The following MYCBP2 variants were observed in gnomAD, a reference collection of about 807,000 sequenced individuals.
MYCBP2 encodes E3 ubiquitin-protein ligase MYCBP2.
Under a neutral mutation model 525.3 loss-of-function variants are expected in MYCBP2, and 120 were observed. The ratio of observed to expected loss-of-function variants is 0.23; its 90% CI spans 0.20 to 0.27. The LOEUF (loss-of-function observed/expected upper bound fraction) is 0.27. Ranked by LOEUF, MYCBP2 falls within the 10% of genes least tolerant of loss-of-function variation. The pLI is 1.00. For missense variants in MYCBP2, 4,149 were observed against 5,657.1 expected, an observed-to-expected ratio of 0.73 and a Z score of 8.55; for synonymous variants, 1,894 against 1,955.8, an observed-to-expected ratio of 0.97 and a Z score of 0.83.
At chr13:77,200,503 C>G (rs932995911) in intron 26 of MYCBP2, among the ~76,000 whole-genome samples, 8 of 152,010 alleles carry the variant, frequency 5.3e-5, no homozygotes, top group Non-Finnish European at 1.0e-4. Flanking sequence ...CCCAATCTAG[C>G]AAGGCAGGCC....
rs780173314 is a variant in MYCBP2, at chr13:77,097,708, G to A, written c.9446C>T (p.Thr3149Ile). Reference protein sequence around the residue: ...ETTFEMSMHNTMKSKSPLPLT... With the variant: ...ETTFEMSMHNIMKSKSPLPLT... The stretch of plus-strand genomic sequence containing the variant: ...GGGAAGAGGAGACTTAGACTTCATT[G>A]TGTTATGCATGGACATTTCAAAAGT... Residue 3149 changes from threonine (T) to isoleucine (I), a missense_variant, in exon 56 of 83, where the codon ACA becomes ATA. Thr to Ile is a moderately conservative substitution (Grantham distance 89, BLOSUM62 -1). Coordinates refer to ENST00000544440, the MANE Select transcript of MYCBP2 (RefSeq NM_015057.5). 4 of 1,613,658 alleles carry A rather than the reference G, an allele frequency of 2.5e-6. No homozygotes were observed. Among genetic ancestry groups the A allele is most frequent in the East Asian group, 2.2e-5 (1 of 44,820 alleles).
At chr13:77,276,841 G>T (rs57007653) in intron 4 of MYCBP2, among the ~76,000 whole-genome samples, 3,821 of 44,758 alleles carry the variant, frequency 0.085, 265 homozygotes, top group African/African-American at 0.22. Flanking sequence ...TTTTTTTTTG[G>T]AGAGATAGGG....
At chr13:77,179,065 G>A (rs1413659001) in intron 34 of MYCBP2, among the ~76,000 whole-genome samples, 1 of 152,136 alleles carries the variant, frequency 6.6e-6, no homozygotes, top group African/African-American at 2.4e-5. Flanking sequence ...AAGTGTATGC[G>A]ATGAACCATA....
chr13:77,296,448 C>A (rs1258148538), intron 2 of MYCBP2, 151 bp downstream of exon 2: 4 of 794,032 alleles, frequency 5.0e-6, no homozygotes, highest in South Asian at 2.5e-5. Flanking sequence ...AAAGATGAAA[C>A]TAAAAGAGGA....
chr13:77,233,937 T>C (rs2067504698), intron 17 of MYCBP2, among the ~76,000 whole-genome samples: 1 of 151,804 alleles, frequency 6.6e-6, no homozygotes, highest in Non-Finnish European at 1.5e-5. Flanking sequence ...AGGGGGCACC[T>C]AACCCAAATA....
chr13:77,228,870 G>A (rs527932345), intron 18 of MYCBP2, among the ~76,000 whole-genome samples: 1 of 152,138 alleles, frequency 6.6e-6, no homozygotes, highest in South Asian at 2.1e-4. Context: ...GTATCTAAGG[G>A]ACTCTAACTT....
chr13:77,238,734 G>C (rs1015793779), intron 17 of MYCBP2, among the ~76,000 whole-genome samples: 1 of 152,080 alleles, frequency 6.6e-6, no homozygotes, highest in African/African-American at 2.4e-5. Context: ...TTGCTTTCTT[G>C]GGTTTCAATA....
Position 77,097,441 on chromosome 13 carries a change from T to C in MYCBP2, c.9713A>G (p.Asp3238Gly). The change falls in exon 56 of 83, where the codon GAT (aspartate) becomes GGT (glycine). Residue 3238 changes from aspartate (D) to glycine (G), a missense_variant. Coordinates refer to ENST00000544440, the MANE Select transcript of MYCBP2 (RefSeq NM_015057.5). ...AQLAVGGPEK[D>G]TICELCGESH... ...CTCCCCACACAGTTCACAGATGGTA[T>C]CTTTCTCTGGTCCTCCTACTGCCAG... 2 of 1,613,592 alleles carry C rather than the reference T, an allele frequency of 1.2e-6. No individual in the cohort carries two copies. The highest frequency in any genetic ancestry group is 1.7e-6 in the Non-Finnish European group (2 of 1,179,752).
rs147444569 is a variant in MYCBP2 at position 77,049,834 on chromosome 13, C to T, written c.13921+1163G>A. Among the ~76,000 whole-genome samples, 1,487 of 152,234 alleles carry T rather than the reference C, an allele frequency of 9.8e-3. 68 individuals carry two copies. In the East Asian group the frequency reaches 0.11, roughly 11 times the overall value. On this transcript the variant is annotated intron_variant, in intron 82 of 82. Coordinates refer to ENST00000544440, the MANE Select transcript of MYCBP2 (RefSeq NM_015057.5). ...TACATTTAGTAGAGATGGGGTTTCA[C>T]CATGTTGGCCAGGCTGGTCTCGTAC... is the stretch of plus-strand genomic sequence containing the variant.
chr13:77,106,333 G>T (rs1594590098), intron 55 of MYCBP2, among the ~76,000 whole-genome samples: 1 of 152,146 alleles, frequency 6.6e-6, no homozygotes, highest in African/African-American at 2.4e-5. Flanking sequence ...TCAATTTGTT[G>T]ATTTCTTACT....
intron 59 of MYCBP2, among the ~76,000 whole-genome samples, chr13:77,091,025 T>A (rs1377669152): frequency 6.6e-6 from 1 of 152,174 alleles, no homozygotes; most frequent in Admixed American, 6.5e-5. Context: ...GAGCTCCTTT[T>A]TCTGTCACCT....
chr13:77,253,029 A>G (rs1192146142), intron 14 of MYCBP2, among the ~76,000 whole-genome samples: 2 of 152,088 alleles, frequency 1.3e-5, no homozygotes, highest in Non-Finnish European at 2.9e-5. Context: ...ACATTCATCA[A>G]AAATTTATAA....
At chr13:77,223,279 C>T (rs1467854184) in intron 20 of MYCBP2, among the ~76,000 whole-genome samples, 1 of 152,158 alleles carries the variant, frequency 6.6e-6, no homozygotes, top group African/African-American at 2.4e-5. Flanking sequence ...CCAAAGGTAT[C>T]CTCAGCTTGG....
At chr13:77,062,791 G>T in intron 73 of MYCBP2, 94 bp from the exon 74 acceptor site, 2 of 973,180 alleles carry the variant, frequency 2.1e-6, no homozygotes, top group Non-Finnish European at 3.2e-6. Context: ...ATAAATGCTG[G>T]CTGATTTTGA....
Position 77,326,957 on chromosome 13 carries a change from G to GCGCCGCCCT in MYCBP2, c.-191_-183dup. On this transcript the variant is annotated 5_prime_UTR_variant, in exon 1 of 83. Transcript: ENST00000544440. The surrounding 1 kb of genome is among the most constrained non-coding windows in gnomAD (Gnocchi z 4.2). The stretch of plus-strand genomic sequence containing the variant: ...CCTCCTTCTTCTCCTCCTCCCCCCC[G>GCGCCGCCCT]CGCCGCCCTCGCCGCTACTGGGGCC... The GCGCCGCCCT allele has an allele frequency of 1.9e-6, 1 of 523,308 alleles. No homozygotes were observed. The highest frequency in any genetic ancestry group is 5.9e-5 in the South Asian group (1 of 16,940). 32.4% of individuals were successfully genotyped at this position (523,308 alleles called of 1,614,324 possible). A position where few individuals can be genotyped will look rare whatever the true frequency, so the allele number is the denominator to read the frequency against.
chr13:77,049,501 T>C (rs992995385), intron 82 of MYCBP2, among the ~76,000 whole-genome samples: 2 of 152,238 alleles, frequency 1.3e-5, no homozygotes, highest in Admixed American at 6.5e-5. Context: ...CATCTTTTTC[T>C]TGCTTTTCCC....
rs763379520 is a variant in MYCBP2, at chr13:77,150,818, T to A, written c.7047A>T (p.Gly2349=). ...AASSNTDMTY[G]GLASPKLDVS... The stretch of plus-strand genomic sequence containing the variant: ...CATCTAGCTTTGGTGATGCCAGCCC[T>A]CCATAAGTCATGTCAGTATTAGAAG... Residue 2349 remains glycine, a synonymous_variant, in exon 47 of 83, where the codon GGA becomes GGT. Transcript: ENST00000544440. 6.2e-7 allele frequency: 1 copy of A among 1,614,134 alleles called. No homozygotes were observed. The highest frequency in any genetic ancestry group is 1.3e-5 in the African/African-American group (1 of 75,058).
chr13:77,141,621 A>C (rs2054639693), intron 49 of MYCBP2, among the ~76,000 whole-genome samples: 1 of 151,960 alleles, frequency 6.6e-6, no homozygotes, highest in Non-Finnish European at 1.5e-5. Context: ...AAATACAAAA[A>C]TTAGCCGGGC....
intron 45 of MYCBP2, among the ~76,000 whole-genome samples, chr13:77,156,880 T>C (rs2057276829): frequency 6.6e-6 from 1 of 152,222 alleles, no homozygotes; most frequent in Admixed American, 6.5e-5. Context: ...CTGACTTAAG[T>C]GATTTGACAT....
Sources: gnomAD v4.1 joint callset for allele counts (sites outside exome capture counted in the v4.1 genomes callset) on GRCh38, gnomAD v4.1.1 for gene constraint, Gnocchi (gnomAD v3.1) non-coding constraint, MANE v1.5 for transcripts, NCBI Gene and HGNC (gene_info 2026-07-23, HGNC 2026-07-21) for gene names.